The following UNC5D variants were observed in gnomAD, a reference collection of about 807,000 sequenced individuals.
The protein encoded by UNC5D is unc-5 netrin receptor D.
In UNC5D, 39 loss-of-function variants were observed where a neutral mutation model predicts 105.4. That is an observed-to-expected ratio of 0.37 (90% CI 0.29 to 0.48). The LOEUF (loss-of-function observed/expected upper bound fraction) is 0.48. UNC5D is among the 20% of genes least tolerant of loss of function. UNC5D has a pLI of 0.98. For synonymous variants in UNC5D, 452 were observed against 450.4 expected, an observed-to-expected ratio of 1.00 and a Z score of -0.04; for missense variants, 991 against 1,202.4, an observed-to-expected ratio of 0.82 and a Z score of 2.60.
At chr8:35,323,188 C>CTTTTTTT (rs67076001) in intron 1 of UNC5D, among the ~76,000 whole-genome samples, 31 of 125,908 alleles carry the variant, frequency 2.5e-4, no homozygotes, top group East Asian at 7.0e-4. Context: ...TTTTCTTTTT[C>CTTTTTTT]TTTTTTTTTT....
At chr8:35,267,790 A>G (rs1202152875) in intron 1 of UNC5D, among the ~76,000 whole-genome samples, 2 of 152,200 alleles carry the variant, frequency 1.3e-5, no homozygotes. Context: ...TCCTAGGCAA[A>G]AGAACCTAAA....
chr8:35,302,362 A>G (rs1808020970), intron 1 of UNC5D, among the ~76,000 whole-genome samples: 1 of 152,208 alleles, frequency 6.6e-6, no homozygotes, highest in African/African-American at 2.4e-5. Context: ...GGGCTAAACC[A>G]AATACAACTG....
intron 1 of UNC5D, among the ~76,000 whole-genome samples, chr8:35,285,943 A>C (rs1444884740): frequency 6.6e-6 from 1 of 151,608 alleles, no homozygotes; most frequent in Non-Finnish European, 1.5e-5. Context: ...AATAACATAG[A>C]AACAGAAACA....
At position 35,793,115 on chromosome 8, in the gene UNC5D, A is replaced by G. The variant is rs753396479; in HGVS notation, c.*2552A>G. ...CTTCAGCCTGTCTTGTTTCTTCTTT[A>G]TGTTTCTTTTACTTATTGCTGCTAG... On this transcript the variant is annotated 3_prime_UTR_variant, in exon 17 of 17. Transcript: ENST00000404895. The G allele has an allele frequency of 6.6e-6, 3 of 453,804 alleles. No individual in the cohort carries two copies. Among genetic ancestry groups the G allele is most frequent in the Middle Eastern group, 3.3e-4 (1 of 3,060 alleles). The allele number at this position is 453,804 out of a possible 1,614,324, so 28.1% of individuals were successfully genotyped here. A position where few individuals can be genotyped will look rare whatever the true frequency, so the allele number is the denominator to read the frequency against.
intron 1 of UNC5D, among the ~76,000 whole-genome samples, chr8:35,249,002 CATATATA>C (rs1803473175): frequency 5.7e-5 from 4 of 70,152 alleles, no homozygotes. Flanking sequence ...TATATATAAA[CATATATA>C]ATATATATTA....
intron 1 of UNC5D, among the ~76,000 whole-genome samples, chr8:35,393,125 CTTTTTTTTTT>C (rs34886215): frequency 0.01 from 773 of 75,076 alleles, 4 homozygotes; most frequent in African/African-American, 0.019. Context: ...CCTATTCCTA[CTTTTTTTTTT>C]TTTTTTTTTT....
chr8:35,587,333 A>G (rs1380592441), intron 3 of UNC5D, among the ~76,000 whole-genome samples: 2 of 152,104 alleles, frequency 1.3e-5, no homozygotes, highest in East Asian at 1.9e-4. Flanking sequence ...CAATGAATGA[A>G]AGTGTTATTT....
chr8:35,701,327 T>C (rs1827180872), intron 7 of UNC5D, among the ~76,000 whole-genome samples: 1 of 152,198 alleles, frequency 6.6e-6, no homozygotes, highest in Non-Finnish European at 1.5e-5. Flanking sequence ...GGAGCAGCCC[T>C]CTGTCTGCAG....
At chr8:35,479,375 A>C (rs570139440) in intron 1 of UNC5D, among the ~76,000 whole-genome samples, 138 of 152,300 alleles carry the variant, frequency 9.1e-4, no homozygotes, top group African/African-American at 3.0e-3. Context: ...CTCTATTAAC[A>C]AAATGTACTC....
intron 1 of UNC5D, among the ~76,000 whole-genome samples, chr8:35,526,021 T>G (rs1813846218): frequency 6.6e-6 from 1 of 152,236 alleles, no homozygotes; most frequent in South Asian, 2.1e-4. Flanking sequence ...TCTTCTGCGA[T>G]TCACTGCAGT....
intron 12 of UNC5D, among the ~76,000 whole-genome samples, chr8:35,749,782 C>T (rs977345607): frequency 3.3e-5 from 5 of 152,124 alleles, no homozygotes; most frequent in Admixed American, 1.3e-4. Context: ...CTCTTATACA[C>T]AGATGGTGTT....
At chr8:35,273,921 T>C (rs1805592965) in intron 1 of UNC5D, among the ~76,000 whole-genome samples, 1 of 152,170 alleles carries the variant, frequency 6.6e-6, no homozygotes, top group African/African-American at 2.4e-5. Context: ...ACCCAAAGCA[T>C]TTCATTTTCT....
chr8:35,544,065 T>C (rs904006142), intron 1 of UNC5D, among the ~76,000 whole-genome samples: 1 of 152,168 alleles, frequency 6.6e-6, no homozygotes, highest in East Asian at 1.9e-4. Flanking sequence ...AGTGCAGCCT[T>C]AGGCAAGGCA....
At chr8:35,508,905 T>C (rs1238579132) in intron 1 of UNC5D, among the ~76,000 whole-genome samples, 1 of 152,232 alleles carries the variant, frequency 6.6e-6, no homozygotes, top group Non-Finnish European at 1.5e-5. Flanking sequence ...GCAGTGTGCA[T>C]GCCTCAGGTT....
At chr8:35,466,079 C>T (rs1212828064) in intron 1 of UNC5D, among the ~76,000 whole-genome samples, 3 of 152,210 alleles carry the variant, frequency 2.0e-5, no homozygotes, top group East Asian at 1.9e-4. Context: ...TATAAGATGA[C>T]GAATTTGTGT....
intron 1 of UNC5D, chr8:35,256,459 C>T (rs1300464529): frequency 6.6e-6 from 1 of 151,996 alleles, no homozygotes; most frequent in Admixed American, 6.6e-5. Context: ...TAATGCTATC[C>T]CTCCCATAGC....
intron 1 of UNC5D, among the ~76,000 whole-genome samples, chr8:35,427,706 A>G (rs540362889): frequency 4.5e-4 from 68 of 152,332 alleles, no homozygotes; most frequent in Middle Eastern, 3.4e-3. Context: ...GTCCTTTCAT[A>G]TATTAATATA....
At chr8:35,559,421 A>G (rs1816796090) in intron 2 of UNC5D, among the ~76,000 whole-genome samples, 1 of 152,194 alleles carries the variant, frequency 6.6e-6, no homozygotes, top group South Asian at 2.1e-4. Flanking sequence ...GGCTGAGTGG[A>G]GAGGCAAGCA....
chr8:35,560,573 G>C (rs1158870148), intron 2 of UNC5D, among the ~76,000 whole-genome samples: 2 of 152,184 alleles, frequency 1.3e-5, no homozygotes, highest in African/African-American at 4.8e-5. Context: ...TTATTCAACA[G>C]TTATTTATTG....
Sources: allele counts gnomAD v4.1 joint callset (sites outside exome capture counted in the v4.1 genomes callset), GRCh38; gene constraint gnomAD v4.1.1; transcripts MANE v1.5; gene names NCBI Gene and HGNC (gene_info 2026-07-23, HGNC 2026-07-21).